EXOC6B: variants seen among roughly 807,000 people sequenced by gnomAD.
EXOC6B encodes exocyst complex component 6B.
In EXOC6B, 54 loss-of-function variants were observed where a neutral mutation model predicts 113.5. The observed-to-expected ratio is 0.48, with a 90% CI of 0.38 to 0.60. EXOC6B has a LOEUF of 0.60. Ranked by LOEUF, EXOC6B falls within the 20% of genes least tolerant of loss-of-function variation. EXOC6B has a pLI of 0.00. For synonymous variants in EXOC6B, 357 were observed against 339.0 expected (o/e 1.05, Z -0.58); for missense variants, 797 against 977.5 (o/e 0.82, Z 2.46).
chr2:72,445,065 C>T (rs1006555855), intron 18 of EXOC6B, among the ~76,000 whole-genome samples: 2 of 152,128 alleles, frequency 1.3e-5, no homozygotes, highest in African/African-American at 4.8e-5. Flanking sequence ...CTTTTAACAG[C>T]ATCCAAGTCA....
chr2:72,408,570 C>A (rs200856223), intron 18 of EXOC6B, among the ~76,000 whole-genome samples: 1 of 152,128 alleles, frequency 6.6e-6, no homozygotes, highest in African/African-American at 2.4e-5. Flanking sequence ...CGCATATATA[C>A]AACTATCTGA....
At position 72,418,432 on chromosome 2, in the gene EXOC6B, T is replaced by C. The variant is rs936782056; in HGVS notation, c.1981-38562A>G. ...AAAGTATTGAAGTTTCCCACTGTTATTGCAGAACTATGTATTTCTCCTATC... is the reference window on the plus strand; with the variant it reads ...AAAGTATTGAAGTTTCCCACTGTTACTGCAGAACTATGTATTTCTCCTATC... On this transcript the variant is annotated intron_variant, in intron 18 of 21. Coordinates refer to ENST00000272427, the MANE Select transcript of EXOC6B (RefSeq NM_015189.3). 7.2e-5 allele frequency among the ~76,000 whole-genome samples: 11 copies of C among 152,204 alleles called. No homozygotes were observed. The East Asian group carries it at 7.7e-4, about 11-fold the overall frequency.
At position 72,177,996 on chromosome 2, in the gene EXOC6B, C is replaced by T. The variant is rs1159632910; in HGVS notation, c.*1339G>A. ...TTAAGTCTCAGGAGTCCATCTGGGTCAATGAGTGCAGCCTCCACGCTAAGC... is the reference window on the plus strand; with the variant it reads ...TTAAGTCTCAGGAGTCCATCTGGGTTAATGAGTGCAGCCTCCACGCTAAGC... On this transcript the variant is annotated 3_prime_UTR_variant, in exon 22 of 22. Transcript: ENST00000272427. The T allele has an allele frequency of 6.6e-6, 1 of 152,210 alleles. No individual in the cohort carries two copies. The highest frequency in any genetic ancestry group is 1.9e-4 in the East Asian group (1 of 5,190). The allele number at this position is 152,210 out of a possible 1,614,324, so 9.4% of individuals were successfully genotyped here.
Position 72,584,430 on chromosome 2 carries a change from A to G in EXOC6B, c.670-8762T>C, listed in dbSNP as rs1466421139. Among the ~76,000 whole-genome samples the G allele has an allele frequency of 3.9e-5, 6 of 152,364 alleles. No homozygotes were observed. In the East Asian group the frequency reaches 1.2e-3, roughly 29 times the overall value. Reference sequence around the variant, plus strand: ...AAAGGACAAAGTAGGGCATTATATAATGACGAAAAGTTCAATTCAACAAGA... The same window carrying G: ...AAAGGACAAAGTAGGGCATTATATAGTGACGAAAAGTTCAATTCAACAAGA... On this transcript the variant is annotated intron_variant, in intron 6 of 21. Coordinates refer to ENST00000272427, the MANE Select transcript of EXOC6B (RefSeq NM_015189.3).
intron 20 of EXOC6B, among the ~76,000 whole-genome samples, chr2:72,215,223 C>T (rs1051808188): frequency 1.3e-5 from 2 of 152,150 alleles, no homozygotes; most frequent in African/African-American, 2.4e-5. Flanking sequence ...GTAAGTCTTA[C>T]TGTTTCATGG....
At chr2:72,517,950 T>C (rs1007528864) in intron 8 of EXOC6B, among the ~76,000 whole-genome samples, 1 of 152,216 alleles carries the variant, frequency 6.6e-6, no homozygotes, top group Admixed American at 6.5e-5. Flanking sequence ...ATTTATCTAA[T>C]AGGTCTGGCT....
At chr2:72,206,285 A>G (rs1357761338) in intron 20 of EXOC6B, among the ~76,000 whole-genome samples, 1 of 152,238 alleles carries the variant, frequency 6.6e-6, no homozygotes, top group African/African-American at 2.4e-5. Flanking sequence ...TTTAAATATG[A>G]GAGTAAAATC....
intron 18 of EXOC6B, among the ~76,000 whole-genome samples, chr2:72,427,919 GGACA>G: frequency 6.6e-6 from 1 of 152,260 alleles, no homozygotes; most frequent in East Asian, 1.9e-4. Context: ...AGCCATAGCT[GGACA>G]GACAATGGGA....
rs181815909 is a variant in EXOC6B, at chr2:72,458,973, C to T, written c.1980+6187G>A. Among the ~76,000 whole-genome samples, 38 of 152,090 alleles carry T rather than the reference C, an allele frequency of 2.5e-4. No homozygotes were observed. The East Asian group carries it at 7.4e-3, about 29-fold the overall frequency. ...ATTCTAAATATCACCTCCACATACCCCCAGCATTATAAAAGCTGCAGATGT... is the reference window on the plus strand; with the variant it reads ...ATTCTAAATATCACCTCCACATACCTCCAGCATTATAAAAGCTGCAGATGT... On this transcript the variant is annotated intron_variant, in intron 18 of 21. Transcript: ENST00000272427.
Position 72,724,107 on chromosome 2 carries a change from T to A in EXOC6B, c.465-5800A>T, listed in dbSNP as rs535781127. ...AAAAAGAGCAATGCAGAAAAAGAACTGCAGAAATTTACACAGGGGTTCCCT... is the reference window on the plus strand; with the variant it reads ...AAAAAGAGCAATGCAGAAAAAGAACAGCAGAAATTTACACAGGGGTTCCCT... On this transcript the variant is annotated intron_variant, in intron 5 of 21. Transcript: ENST00000272427. Among the ~76,000 whole-genome samples, 43 of 152,216 alleles carry A rather than the reference T, an allele frequency of 2.8e-4. No homozygotes were observed. The South Asian group carries it at 5.4e-3, about 19-fold the overall frequency.
At chr2:72,189,123 A>G (rs1678642401) in intron 20 of EXOC6B, among the ~76,000 whole-genome samples, 1 of 152,184 alleles carries the variant, frequency 6.6e-6, no homozygotes, top group Admixed American at 6.5e-5. Flanking sequence ...AATGTCCTTT[A>G]TAGCCTCTTT....
chr2:72,272,918 A>G (rs903143125), intron 20 of EXOC6B, among the ~76,000 whole-genome samples: 2 of 152,176 alleles, frequency 1.3e-5, no homozygotes, highest in African/African-American at 4.8e-5. Flanking sequence ...AATATTGCAG[A>G]ACACTAAGGA....
intron 6 of EXOC6B, among the ~76,000 whole-genome samples, chr2:72,652,272 A>G (rs1202311572): frequency 2.0e-5 from 3 of 152,164 alleles, no homozygotes; most frequent in African/African-American, 7.2e-5. Context: ...GGAGGCCAAA[A>G]AAATGTGTAA....
At chr2:72,760,201 T>C (rs1236669864) in intron 1 of EXOC6B, among the ~76,000 whole-genome samples, 3 of 152,220 alleles carry the variant, frequency 2.0e-5, no homozygotes, top group Non-Finnish European at 4.4e-5. Flanking sequence ...AGGTCACAGA[T>C]GCTCCACCAA....
At chr2:72,580,273 C>G (rs1705141740) in intron 6 of EXOC6B, among the ~76,000 whole-genome samples, 1 of 150,822 alleles carries the variant, frequency 6.6e-6, no homozygotes. Flanking sequence ...TCCCAAGTAG[C>G]TAGGATTACA....
At chr2:72,576,712 A>G (rs988297837) in intron 6 of EXOC6B, among the ~76,000 whole-genome samples, 10 of 152,152 alleles carry the variant, frequency 6.6e-5, no homozygotes, top group Admixed American at 1.3e-4. Flanking sequence ...CACTAACAGA[A>G]TAAAAGCTGG....
chr2:72,632,497 G>C (rs1049248948), intron 6 of EXOC6B, among the ~76,000 whole-genome samples: 1 of 152,058 alleles, frequency 6.6e-6, no homozygotes, highest in African/African-American at 2.4e-5. Flanking sequence ...TGGTTATATA[G>C]TTGGTATTTT....
At chr2:72,784,595 G>A (rs531810896) in intron 1 of EXOC6B, among the ~76,000 whole-genome samples, 2 of 152,240 alleles carry the variant, frequency 1.3e-5, no homozygotes, top group East Asian at 3.9e-4. Context: ...AGAAAATGAG[G>A]AAGAAGCAAA....
intron 16 of EXOC6B, among the ~76,000 whole-genome samples, chr2:72,489,717 T>C (rs961766847): frequency 1.3e-5 from 2 of 152,184 alleles, no homozygotes; most frequent in South Asian, 4.1e-4. Context: ...ACACTTTTCA[T>C]AGACCTTATG....
Sources: gnomAD v4.1 joint callset for allele counts (sites outside exome capture counted in the v4.1 genomes callset) on GRCh38, gnomAD v4.1.1 for gene constraint, MANE v1.5 for transcripts, NCBI Gene and HGNC (gene_info 2026-07-23, HGNC 2026-07-21) for gene names.